THSD4: variants seen among roughly 807,000 people sequenced by gnomAD.
THSD4 encodes thrombospondin type 1 domain containing 4.
A neutral mutation model predicts 119.0 loss-of-function variants in THSD4; 69 were observed. The ratio of observed to expected loss-of-function variants is 0.58; its 90% CI spans 0.48 to 0.71. The LOEUF (loss-of-function observed/expected upper bound fraction) is 0.71, where lower values mean the gene tolerates loss of function less well. THSD4 is among the 30% of genes least tolerant of loss of function. THSD4 has a pLI of 0.00. For missense variants in THSD4, 1,393 were observed against 1,391.1 expected (o/e 1.00, Z -0.02); for synonymous variants, 524 against 540.4 (o/e 0.97, Z 0.42).
chr15:71,465,441 C>A (rs948299034), intron 7 of THSD4, among the ~76,000 whole-genome samples: 3 of 152,126 alleles, frequency 2.0e-5, no homozygotes, highest in African/African-American at 7.2e-5. Flanking sequence ...TTCCTGCTAC[C>A]TTTTGGGGGT....
intron 6 of THSD4, among the ~76,000 whole-genome samples, chr15:71,409,496 T>C (rs540009491): frequency 1.3e-5 from 2 of 152,350 alleles, no homozygotes; most frequent in South Asian, 4.1e-4. Flanking sequence ...TATCAAATGA[T>C]GATTTCGTTT....
chr15:71,524,587 C>CTT (rs71438517), intron 7 of THSD4, among the ~76,000 whole-genome samples: 2,092 of 59,500 alleles, frequency 0.035, 451 homozygotes, highest in Middle Eastern at 0.054. Context: ...GTTTATGCCT[C>CTT]TTTTTTTTTT....
At chr15:71,617,807 C>T (rs1054247646) in intron 7 of THSD4, among the ~76,000 whole-genome samples, 7 of 152,220 alleles carry the variant, frequency 4.6e-5, no homozygotes, top group African/African-American at 1.7e-4. Flanking sequence ...TATTTAATAA[C>T]ACTAACAGCT....
Position 71,419,544 on chromosome 15 carries a change from A to G in THSD4, c.1152+7721A>G, listed in dbSNP as rs1200528751. On this transcript the variant is annotated intron_variant, in intron 7 of 17. Transcript: ENST00000261862. Reference sequence around the variant, plus strand: ...TTTTGGGGTTTTTTCTTGTATTTCTAGTTCTTTAAGATGCATCAATCGGTT... The same window carrying G: ...TTTTGGGGTTTTTTCTTGTATTTCTGGTTCTTTAAGATGCATCAATCGGTT... Among the ~76,000 whole-genome samples the G allele has an allele frequency of 1.7e-4, 18 of 106,756 alleles. 6 individuals are homozygous for G. The highest frequency in any genetic ancestry group is 5.7e-4 in the African/African-American group (18 of 31,314). The allele number at this position is 106,756 out of a possible 152,430, so 70.0% of individuals were successfully genotyped here. A position where few individuals can be genotyped will look rare whatever the true frequency, so the allele number is the denominator to read the frequency against.
intron 8 of THSD4, among the ~76,000 whole-genome samples, chr15:71,665,972 C>T (rs2051409610): frequency 6.6e-6 from 1 of 152,104 alleles, no homozygotes; most frequent in Non-Finnish European, 1.5e-5. Context: ...CTTAGGATTG[C>T]CTTGGCCTTT....
chr15:71,553,972 G>A (rs538656206), intron 7 of THSD4, among the ~76,000 whole-genome samples: 1 of 151,858 alleles, frequency 6.6e-6, no homozygotes, highest in African/African-American at 2.4e-5. Context: ...GCTCTCGGCT[G>A]TATTTTATTG....
intron 6 of THSD4, among the ~76,000 whole-genome samples, chr15:71,356,320 C>T (rs1272906607): frequency 6.6e-6 from 1 of 152,200 alleles, no homozygotes; most frequent in African/African-American, 2.4e-5. Context: ...GGTGGCCATG[C>T]AGTCATTCCC....
intron 17 of THSD4, 65 bp from the exon 18 acceptor site, chr15:71,777,167 C>G: frequency 1.2e-6 from 2 of 1,604,276 alleles, no homozygotes; most frequent in Non-Finnish European, 1.7e-6. Flanking sequence ...TGCCCTTTCT[C>G]TTCCCACTGG....
At chr15:71,216,228 G>GT (rs138944631) in intron 4 of THSD4, among the ~76,000 whole-genome samples, 22,892 of 152,306 alleles carry the variant, frequency 0.15, 1,939 homozygotes, top group Middle Eastern at 0.26. Flanking sequence ...AACAAAAAGT[G>GT]TAAGATGTGC....
rs536014903 is a variant in THSD4, at chr15:71,541,334, G to A, written c.1153-119196G>A. ...TTACAGGATATTACAATTTGGAATA[G>A]CCGCATTTCCAGTGCTCAGTATTTG... is the stretch of plus-strand genomic sequence containing the variant. On this transcript the variant is annotated intron_variant, in intron 7 of 17. Transcript: ENST00000261862. Among the ~76,000 whole-genome samples, 4 of 152,302 alleles carry A rather than the reference G, an allele frequency of 2.6e-5. No homozygotes were observed. The South Asian group carries it at 8.3e-4, about 32-fold the overall frequency.
chr15:71,598,828 G>A (rs1198600003), intron 7 of THSD4, among the ~76,000 whole-genome samples: 1 of 152,014 alleles, frequency 6.6e-6, no homozygotes, highest in Non-Finnish European at 1.5e-5. Flanking sequence ...CTGTTGCCCA[G>A]GCTGGTCTCG....
chr15:71,570,600 G>T (rs933156153), intron 7 of THSD4, among the ~76,000 whole-genome samples: 6 of 152,084 alleles, frequency 3.9e-5, no homozygotes, highest in African/African-American at 1.4e-4. Context: ...TAGAGACGGA[G>T]TTTCACCATC....
Position 71,326,783 on chromosome 15 carries a change from G to T in THSD4, c.1015+70068G>T, listed in dbSNP as rs536612118. Among the ~76,000 whole-genome samples, 10 of 135,646 alleles carry T rather than the reference G, an allele frequency of 7.4e-5. No individual in the cohort carries two copies. In the East Asian group the frequency reaches 2.0e-3, roughly 27 times the overall value. 89.0% of individuals were successfully genotyped at this position (135,646 alleles called of 152,430 possible). A position where few individuals can be genotyped will look rare whatever the true frequency, so the allele number is the denominator to read the frequency against. On this transcript the variant is annotated intron_variant, in intron 6 of 17. Coordinates refer to ENST00000261862, the MANE Select transcript of THSD4 (RefSeq NM_024817.3). ...CCAGTTACTCAAGAGGCTGAAGTGG[G>T]AGGATCACTTGAGCCCAAGATTGAG...
At chr15:71,552,226 G>T (rs1011933889) in intron 7 of THSD4, among the ~76,000 whole-genome samples, 1 of 152,140 alleles carries the variant, frequency 6.6e-6, no homozygotes, top group Non-Finnish European at 1.5e-5. Flanking sequence ...GTTTTTCTCT[G>T]GGCCTATGAA....
At chr15:71,495,779 C>T (rs2048006196) in intron 7 of THSD4, among the ~76,000 whole-genome samples, 1 of 152,220 alleles carries the variant, frequency 6.6e-6, no homozygotes, top group Non-Finnish European at 1.5e-5. Flanking sequence ...CAAACACATG[C>T]CCCTGTCCCC....
chr15:71,242,704 T>C lies in THSD4; in HGVS notation c.520T>C (p.Tyr174His), dbSNP rs747978176. ...CAAGTATGGCTATGGTAAGGCCCCA[T>C]ATATCTTACCACTGCAGACAGACAC... ...PGKYGYGKAP[Y>H]ILPLQTDTAH... The change falls in exon 5 of 18, where the codon TAT becomes CAT. Residue 174 changes from tyrosine (Y) to histidine (H), a missense_variant. Tyr to His is a moderately conservative substitution (Grantham distance 83). Transcript: ENST00000261862. 1 of 1,614,124 alleles carries C rather than the reference T, an allele frequency of 6.2e-7. No homozygotes were observed. The highest frequency in any genetic ancestry group is 1.3e-5 in the African/African-American group (1 of 75,010).
At chr15:71,525,518 G>A (rs534021953) in intron 7 of THSD4, among the ~76,000 whole-genome samples, 2 of 152,192 alleles carry the variant, frequency 1.3e-5, no homozygotes, top group Non-Finnish European at 2.9e-5. Flanking sequence ...CCACAGATGC[G>A]TTTATTCAAA....
At chr15:71,365,131 T>TTTTGTGTGTGTGTGTGTGTG (rs147188266) in intron 6 of THSD4, among the ~76,000 whole-genome samples, 112 of 135,906 alleles carry the variant, frequency 8.2e-4, no homozygotes, top group Non-Finnish European at 1.4e-3. Context: ...GCCCCCCCCA[T>TTTTGTGTGTGTGTGTGTGTG]TGTGTGTGTG....
At chr15:71,712,461 C>CT (rs1236417556) in intron 8 of THSD4, among the ~76,000 whole-genome samples, 1 of 152,028 alleles carries the variant, frequency 6.6e-6, no homozygotes, top group African/African-American at 2.4e-5. Context: ...CCTTGAGAAA[C>CT]TAGGAAAAGA....
Sources: gnomAD v4.1 joint callset for allele counts (sites outside exome capture counted in the v4.1 genomes callset) on GRCh38, gnomAD v4.1.1 for gene constraint, MANE v1.5 for transcripts, NCBI Gene and HGNC (gene_info 2026-07-23, HGNC 2026-07-21) for gene names.